PCDH17: variants seen among roughly 807,000 people sequenced by gnomAD.
The protein encoded by PCDH17 is protocadherin-17.
Under a neutral mutation model 67.7 loss-of-function variants are expected in PCDH17, and 21 were observed. The observed-to-expected ratio is 0.31, with a 90% CI of 0.22 to 0.45. The LOEUF (loss-of-function observed/expected upper bound fraction) is 0.45, where lower values mean the gene tolerates loss of function less well. Ranked by LOEUF, PCDH17 falls within the 20% of genes least tolerant of loss-of-function variation. The pLI is 1.00. For missense variants in PCDH17, 1,471 were observed against 1,564.8 expected (o/e 0.94, Z 1.01); for synonymous variants, 701 against 656.7 (o/e 1.07, Z -1.03).
intron 3 of PCDH17, among the ~76,000 whole-genome samples, chr13:57,686,090 G>GAA (rs145106488): frequency 6.8e-5 from 10 of 147,174 alleles, no homozygotes; most frequent in East Asian, 4.0e-4. Flanking sequence ...TCTCATCTCT[G>GAA]AAAAAAAAAA....
Position 57,725,607 on chromosome 13 carries a change from A to C in PCDH17, c.*313A>C. 3.6e-6 allele frequency: 1 copy of C among 276,734 alleles called. No homozygotes were observed. Among genetic ancestry groups the C allele is most frequent in the Non-Finnish European group, 6.9e-6 (1 of 145,922 alleles). The allele number at this position is 276,734 out of a possible 1,614,324, so 17.1% of individuals were successfully genotyped here. ...TGAGGAGAAGAATTACCTTTTGACAATCTGTTAGGAAGGTATGCAGTGTGA... is the reference window on the plus strand; with the variant it reads ...TGAGGAGAAGAATTACCTTTTGACACTCTGTTAGGAAGGTATGCAGTGTGA... On this transcript the variant is annotated 3_prime_UTR_variant, in exon 4 of 4. Transcript: ENST00000377918.
rs554545307 is a variant in PCDH17, at chr13:57,658,883, G to A, written c.2566-7585G>A. Among the ~76,000 whole-genome samples the A allele has an allele frequency of 4.1e-4, 62 of 152,186 alleles. 1 individual carries two copies. The highest frequency in any genetic ancestry group is 1.4e-3 in the African/African-American group (60 of 41,528). On this transcript the variant is annotated intron_variant, in intron 1 of 3. Transcript: ENST00000377918. ...CAACCTCCGCCTCCTGGGTGCAAGC[G>A]ATTCCCCTGCCTCAGCCGCCATCTC...
intron 3 of PCDH17, among the ~76,000 whole-genome samples, chr13:57,713,349 A>C (rs1026332478): frequency 6.6e-6 from 1 of 151,794 alleles, no homozygotes; most frequent in African/African-American, 2.4e-5. Context: ...CCAATTGTAG[A>C]GGATAAAACA....
intron 3 of PCDH17, among the ~76,000 whole-genome samples, chr13:57,694,342 A>G (rs1955586894): frequency 1.3e-5 from 2 of 151,246 alleles, no homozygotes; most frequent in Admixed American, 6.6e-5. Context: ...TACCTTGCAT[A>G]CTTACCATAA....
intron 3 of PCDH17, among the ~76,000 whole-genome samples, chr13:57,715,962 A>T (rs1245869934): frequency 6.6e-6 from 1 of 152,000 alleles, no homozygotes; most frequent in Non-Finnish European, 1.5e-5. Flanking sequence ...GTAACATAAA[A>T]TACCAGTTTA....
At chr13:57,662,794 C>A (rs1450797813) in intron 1 of PCDH17, among the ~76,000 whole-genome samples, 1 of 152,074 alleles carries the variant, frequency 6.6e-6, no homozygotes, top group African/African-American at 2.4e-5. Context: ...GTTTGCTGAT[C>A]ACTAGTAAAG....
At chr13:57,677,866 A>G (rs1344156841) in intron 3 of PCDH17, among the ~76,000 whole-genome samples, 1 of 151,794 alleles carries the variant, frequency 6.6e-6, no homozygotes, top group African/African-American at 2.4e-5. Context: ...ATAGAAGTAG[A>G]GAGTCAAATG....
chr13:57,693,045 A>G (rs566265591), intron 3 of PCDH17, among the ~76,000 whole-genome samples: 1 of 150,760 alleles, frequency 6.6e-6, no homozygotes, highest in Non-Finnish European at 1.5e-5. Context: ...ATAGCCAAAA[A>G]GAAATCCATG....
intron 1 of PCDH17, among the ~76,000 whole-genome samples, chr13:57,646,101 T>A (rs887557121): frequency 1.3e-5 from 2 of 151,586 alleles, no homozygotes; most frequent in Admixed American, 1.3e-4. Flanking sequence ...TGGGCACAGA[T>A]CATCTACCAT....
chr13:57,704,499 G>A (rs1216244953), intron 3 of PCDH17, among the ~76,000 whole-genome samples: 1 of 149,548 alleles, frequency 6.7e-6, no homozygotes, highest in African/African-American at 2.5e-5. Context: ...TAAATATTAG[G>A]AATAATTTTA....
In PCDH17 at chr13:57,631,790, A is replaced by C. The variant is rs1414838268; in HGVS notation, c.-757A>C. The C allele has an allele frequency of 6.6e-6, 1 of 152,074 alleles. No homozygotes were observed. Among genetic ancestry groups the C allele is most frequent in the African/African-American group, 2.4e-5 (1 of 41,312 alleles). The allele number at this position is 152,074 out of a possible 1,614,324, so 9.4% of individuals were successfully genotyped here. On this transcript the variant is annotated 5_prime_UTR_variant, in exon 1 of 4. Coordinates refer to ENST00000377918, the MANE Select transcript of PCDH17 (RefSeq NM_001040429.3). ...GCTGCTCGGAAAGGAGAGAGAGGAA[A>C]AAAAAAATACGCTTGGCTGGTAGAT...
chr13:57,685,199 C>T (rs559259963), intron 3 of PCDH17, among the ~76,000 whole-genome samples: 22 of 151,906 alleles, frequency 1.4e-4, no homozygotes, highest in African/African-American at 5.3e-4. Context: ...TTGAGGGAGA[C>T]TAAAACTAAC....
intron 3 of PCDH17, among the ~76,000 whole-genome samples, chr13:57,669,112 T>C (rs1370306134): frequency 6.6e-6 from 1 of 152,110 alleles, no homozygotes; most frequent in Non-Finnish European, 1.5e-5. Flanking sequence ...GTCCTTTCGA[T>C]AGTTTGCTGA....
At chr13:57,675,210 G>A (rs1955377783) in intron 3 of PCDH17, among the ~76,000 whole-genome samples, 1 of 151,922 alleles carries the variant, frequency 6.6e-6, no homozygotes, top group African/African-American at 2.4e-5. Flanking sequence ...CGTACCCACT[G>A]ACACTACTGT....
In PCDH17 at chr13:57,716,593, C is replaced by T. The variant is rs535175524; in HGVS notation, c.2798-8019C>T. Among the ~76,000 whole-genome samples, 34 of 151,992 alleles carry T rather than the reference C, an allele frequency of 2.2e-4. 1 individual carries two copies. The highest frequency in any genetic ancestry group is 5.1e-4 in the African/African-American group (21 of 41,510). ...AAGCCTTTCACAATATTACAACCTACGCTTTTCTCTGTATTTCTGCTGCTT... is the reference window on the plus strand; with the variant it reads ...AAGCCTTTCACAATATTACAACCTATGCTTTTCTCTGTATTTCTGCTGCTT... On this transcript the variant is annotated intron_variant, in intron 3 of 3. Coordinates refer to ENST00000377918, the MANE Select transcript of PCDH17 (RefSeq NM_001040429.3).
intron 3 of PCDH17, among the ~76,000 whole-genome samples, chr13:57,717,627 C>A (rs1036654469): frequency 6.6e-6 from 1 of 151,906 alleles, no homozygotes; most frequent in South Asian, 2.1e-4. Context: ...TGAATGCAGC[C>A]GTGGCAATAC....
intron 3 of PCDH17, among the ~76,000 whole-genome samples, chr13:57,683,183 A>G (rs1955471451): frequency 6.6e-6 from 1 of 151,834 alleles, no homozygotes; most frequent in African/African-American, 2.4e-5. Context: ...GGTATTTAAG[A>G]GGGAGTCATG....
chr13:57,632,426 G>C lies in PCDH17; in HGVS notation c.-121G>C, dbSNP rs1954737317. ...GCAGCTCGGGTGCAGAGGGAAAAAA[G>C]GACCCATAGACTTGTGGCTCGCGTC... On this transcript the variant is annotated 5_prime_UTR_variant, in exon 1 of 4. Transcript: ENST00000377918. 1.0e-6 allele frequency: 1 copy of C among 981,864 alleles called. No individual in the cohort carries two copies. Among genetic ancestry groups the C allele is most frequent in the Non-Finnish European group, 1.5e-6 (1 of 663,746 alleles). 60.8% of individuals were successfully genotyped at this position (981,864 alleles called of 1,614,324 possible).
chr13:57,683,030 C>G (rs1185197737), intron 3 of PCDH17, among the ~76,000 whole-genome samples: 1 of 151,766 alleles, frequency 6.6e-6, no homozygotes, highest in Non-Finnish European at 1.5e-5. Flanking sequence ...GAGGAAATAA[C>G]CATTCTAAGG....
Sources: gnomAD v4.1 joint callset for allele counts (sites outside exome capture counted in the v4.1 genomes callset) on GRCh38, gnomAD v4.1.1 for gene constraint, MANE v1.5 for transcripts, NCBI Gene and HGNC (gene_info 2026-07-23, HGNC 2026-07-21) for gene names.